Variants in CPM observed in about 807,000 individuals in gnomAD.
CPM encodes renal carboxypeptidase.
CPM carries 35 observed loss-of-function variants against 46.4 expected under a neutral mutation model. The ratio of observed to expected loss-of-function variants is 0.75; its 90% CI spans 0.58 to 1.00. The LOEUF is 1.00. CPM is among the 50% of genes least tolerant of loss of function. The pLI, the probability that CPM is intolerant of heterozygous loss-of-function variation, is 0.00. For synonymous variants in CPM, 195 were observed against 195.3 expected (o/e 1.00, Z 0.01); for missense variants, 422 against 530.4 (o/e 0.80, Z 2.01).
At chr12:68,946,380 G>T (rs534709377) in intron 1 of CPM, among the ~76,000 whole-genome samples, 1 of 152,198 alleles carries the variant, frequency 6.6e-6, no homozygotes, top group East Asian at 1.9e-4. Context: ...GGCTTTGCTG[G>T]ATGTTTTTTT....
chr12:68,885,676 G>T, intron 3 of CPM, 116 bp downstream of exon 3: 1 of 827,486 alleles, frequency 1.2e-6, no homozygotes, highest in Non-Finnish European at 1.9e-6. Context: ...TTGCTTCTTT[G>T]TACAATGCAT....
At chr12:68,878,558 C>T (rs1004503143) in intron 3 of CPM, among the ~76,000 whole-genome samples, 2 of 152,136 alleles carry the variant, frequency 1.3e-5, no homozygotes, top group African/African-American at 4.8e-5. Flanking sequence ...CCTATGATTT[C>T]GTCTCCGACC....
intron 5 of CPM, chr12:68,843,578 C>A (rs1443984556): frequency 1.8e-5 from 4 of 226,846 alleles, no homozygotes; most frequent in Non-Finnish European, 2.6e-5. Context: ...GTGTTTTTCT[C>A]CCATATGTGA....
chr12:68,870,164 T>C, intron 5 of CPM, 51 bp downstream of exon 5: 1 of 1,554,052 alleles, frequency 6.4e-7, no homozygotes, highest in South Asian at 1.2e-5. Context: ...CAGAGAGTTT[T>C]CAGCCCCACT....
Position 68,870,709 on chromosome 12 carries a change from G to A in CPM, c.432-310C>T, listed in dbSNP as rs142475979. On this transcript the variant is annotated intron_variant, in intron 4 of 8. Transcript: ENST00000551568. ...TTGGGACCTTGAGATCCCAATGGTC[G>A]CCACGTGGAGAGTCCACGGAGAGTC... Among the ~76,000 whole-genome samples the A allele has an allele frequency of 3.2e-3, 490 of 152,296 alleles. 2 individuals carry two copies. The highest frequency in any genetic ancestry group is 0.011 in the African/African-American group (468 of 41,552).
At position 68,852,131 on chromosome 12, in the gene CPM, A is replaced by AT. The variant is rs1666124530; in HGVS notation, c.*4305dup. On this transcript the variant is annotated 3_prime_UTR_variant, in exon 9 of 9. Coordinates refer to ENST00000551568, the MANE Select transcript of CPM (RefSeq NM_198320.5). ...ATTTGCTTCTGGAACAAAACATAAC[A>AT]TTGATTTCTTGGAAAGACTTTTGGA... 1 of 152,240 alleles carries AT rather than the reference A, an allele frequency of 6.6e-6. No individual in the cohort carries two copies. Among genetic ancestry groups the AT allele is most frequent in the Non-Finnish European group, 1.5e-5 (1 of 68,036 alleles). The allele number at this position is 152,240 out of a possible 1,614,324, so 9.4% of individuals were successfully genotyped here.
intron 2 of CPM, among the ~76,000 whole-genome samples, chr12:68,921,071 T>A (rs558422099): frequency 4.6e-5 from 7 of 152,136 alleles, no homozygotes; most frequent in Non-Finnish European, 1.0e-4. Context: ...TTTGTCAAAA[T>A]TCTGTGACAG....
chr12:68,846,677 G>A (rs1259447547), downstream of CPM: 2 of 152,138 alleles, frequency 1.3e-5, no homozygotes, highest in East Asian at 1.9e-4. Flanking sequence ...TATCTCTGAT[G>A]TTCTACTGGA....
chr12:68,892,807 C>A (rs1262456635), intron 2 of CPM, among the ~76,000 whole-genome samples: 3 of 152,124 alleles, frequency 2.0e-5, no homozygotes, highest in Non-Finnish European at 4.4e-5. Flanking sequence ...TGCACCATTG[C>A]ACTTCAGCCT....
intron 1 of CPM, among the ~76,000 whole-genome samples, chr12:68,952,693 T>C (rs1355355567): frequency 6.6e-6 from 1 of 152,138 alleles, no homozygotes; most frequent in Non-Finnish European, 1.5e-5. Context: ...CCCTTGTATG[T>C]CTTATTTATA....
chr12:68,856,133 ATT>A lies in CPM; in HGVS notation c.*302_*303del. On this transcript the variant is annotated 3_prime_UTR_variant, in exon 9 of 9. Coordinates refer to ENST00000551568, the MANE Select transcript of CPM (RefSeq NM_198320.5). The stretch of plus-strand genomic sequence containing the variant: ...ACAAAATGATCTTCTTTTTGCAGGC[ATT>A]TTTTTGCTTCTCAAGTTTTAACTTC... 6.3e-6 allele frequency: 2 copies of A among 318,750 alleles called. No homozygotes were observed. Among genetic ancestry groups the A allele is most frequent in the Non-Finnish European group, 1.2e-5 (2 of 172,782 alleles). The allele number at this position is 318,750 out of a possible 1,614,324, so 19.7% of individuals were successfully genotyped here.
At chr12:68,903,139 G>A (rs1338154635) in intron 2 of CPM, among the ~76,000 whole-genome samples, 1 of 152,190 alleles carries the variant, frequency 6.6e-6, no homozygotes. Flanking sequence ...CTGCAAGTAG[G>A]CCTACATGCT....
intron 3 of CPM, among the ~76,000 whole-genome samples, chr12:68,877,763 T>C (rs1418984022): frequency 6.6e-6 from 1 of 152,198 alleles, no homozygotes; most frequent in Admixed American, 6.5e-5. Flanking sequence ...CAAGCTTTAA[T>C]GTTGTGTTTT....
intron 1 of CPM, among the ~76,000 whole-genome samples, chr12:68,940,673 GA>G (rs907588077): frequency 2.6e-5 from 4 of 151,288 alleles, no homozygotes; most frequent in Admixed American, 1.3e-4. Flanking sequence ...GTTTGAGTAG[GA>G]CCACCATCCA....
intron 1 of CPM, among the ~76,000 whole-genome samples, chr12:68,946,236 T>G (rs537786709): frequency 2.6e-5 from 4 of 152,284 alleles, no homozygotes; most frequent in Non-Finnish European, 5.9e-5. Flanking sequence ...TTTCCCCCAT[T>G]TTTACCAAAG....
At position 68,866,987 on chromosome 12, in the gene CPM, T is replaced by C. The variant is rs1200029393; in HGVS notation, c.849A>G (p.Ser283=). The C allele has an allele frequency of 2.5e-6, 4 of 1,614,068 alleles. No homozygotes were observed. The Admixed American group carries it at 5.0e-5, about 20-fold the overall frequency. ...AQCFEITLEL[S]CCKYPREEKL... is the part of the protein sequence containing the mutation. ...TCTCCTCACGAGGATATTTACAGCA[T>C]GACAGCTCCAACGTAATTTCAAAAC... Residue 283 remains serine (S), a synonymous_variant, in exon 7 of 9, where the codon TCA becomes TCG. Transcript: ENST00000551568.
chr12:68,870,234 T>C lies in CPM; in HGVS notation c.597A>G (p.Pro199=). ...GCTTACCTTGAACACCATTATCAAA[T>C]GGGTAACTGGCCACGAGGGCACCAC... ...LHGGALVASY[P]FDNGVQATGA... is the part of the protein sequence containing the mutation. The change falls in exon 5 of 9, where the codon CCA becomes CCG. Residue 199 remains proline, a synonymous_variant. Coordinates refer to ENST00000551568, the MANE Select transcript of CPM (RefSeq NM_198320.5). 6.2e-7 allele frequency: 1 copy of C among 1,613,792 alleles called. No individual in the cohort carries two copies.
intron 2 of CPM, among the ~76,000 whole-genome samples, chr12:68,898,388 A>T (rs1476692372): frequency 6.6e-6 from 1 of 152,274 alleles, no homozygotes; most frequent in South Asian, 2.1e-4. Context: ...TCTTTCAGTC[A>T]TCCTACTTCC....
chr12:68,954,471 G>T (rs1238346071), intron 1 of CPM, among the ~76,000 whole-genome samples: 2 of 152,152 alleles, frequency 1.3e-5, no homozygotes, highest in African/African-American at 4.8e-5. Context: ...ACACAGTCTG[G>T]ATTTTTATCT....
Sources: allele counts gnomAD v4.1 joint callset (sites outside exome capture counted in the v4.1 genomes callset), GRCh38; gene constraint gnomAD v4.1.1; transcripts MANE v1.5; gene names NCBI Gene and HGNC (gene_info 2026-07-23, HGNC 2026-07-21).